The following RAB31 variants were observed in gnomAD, a reference collection of about 807,000 sequenced individuals.
RAB31 encodes RAB31, member RAS oncogene family.
Under a neutral mutation model 25.6 loss-of-function variants are expected in RAB31, and 21 were observed. The observed-to-expected ratio is 0.82, with a 90% confidence interval of 0.58 to 1.18. The LOEUF (loss-of-function observed/expected upper bound fraction) is 1.18, where lower values mean the gene tolerates loss of function less well. Ranked by LOEUF, RAB31 falls within the 50% of genes most tolerant of loss-of-function variation. RAB31 has a pLI of 0.00. For missense variants in RAB31, 196 were observed against 250.1 expected, an observed-to-expected ratio of 0.78 and a Z score of 1.46; for synonymous variants, 87 against 84.0, an observed-to-expected ratio of 1.04 and a Z score of -0.20.
intron 1 of RAB31, among the ~76,000 whole-genome samples, chr18:9,764,392 A>T (rs772299362): frequency 6.6e-6 from 1 of 152,104 alleles, no homozygotes; most frequent in Non-Finnish European, 1.5e-5. Flanking sequence ...TCCTGGAGAG[A>T]TGGTTTGGCT....
chr18:9,845,568 G>T lies in RAB31; in HGVS notation c.381-14G>T, dbSNP rs1306346415. ...AAACATTCATTTCCTGTCTACATTT[G>T]ACCTCTTTTCCAGGGAGGTTCCCCT... On this transcript the variant is annotated splice_polypyrimidine_tract_variant and intron_variant, in intron 5 of 6. Transcript: ENST00000578921. 2 of 1,524,984 alleles carry T rather than the reference G, an allele frequency of 1.3e-6. No homozygotes were observed. Among genetic ancestry groups the T allele is most frequent in the South Asian group, 2.5e-5 (2 of 78,558 alleles). 94.5% of individuals were successfully genotyped at this position (1,524,984 alleles called of 1,614,324 possible).
intron 3 of RAB31, among the ~76,000 whole-genome samples, chr18:9,800,154 G>A (rs147144285): frequency 2.0e-5 from 3 of 152,332 alleles, no homozygotes; most frequent in Non-Finnish European, 2.9e-5. Flanking sequence ...GGCTTTTAGC[G>A]AGAGGAGCTG....
At chr18:9,789,292 G>A (rs1021635150) in intron 2 of RAB31, among the ~76,000 whole-genome samples, 1 of 152,154 alleles carries the variant, frequency 6.6e-6, no homozygotes, top group African/African-American at 2.4e-5. Context: ...CTAGACGGGA[G>A]GAAAATATTC....
intron 3 of RAB31, among the ~76,000 whole-genome samples, chr18:9,806,981 T>C (rs1482485698): frequency 6.6e-6 from 1 of 152,240 alleles, no homozygotes; most frequent in Admixed American, 6.5e-5. Flanking sequence ...ACAGGATCTC[T>C]CTGGTGGCTG....
intron 6 of RAB31, among the ~76,000 whole-genome samples, chr18:9,852,743 C>G (rs138707808): frequency 6.9e-4 from 105 of 152,240 alleles, no homozygotes; most frequent in African/African-American, 2.5e-3. Context: ...TGTGTAAATA[C>G]TATGGATTGG....
chr18:9,835,076 C>T (rs1470671914), intron 5 of RAB31, among the ~76,000 whole-genome samples: 1 of 152,196 alleles, frequency 6.6e-6, no homozygotes, highest in African/African-American at 2.4e-5. Flanking sequence ...TTAATATCCT[C>T]TTCGTATCTT....
At chr18:9,820,596 T>C (rs996728981) in intron 5 of RAB31, among the ~76,000 whole-genome samples, 1 of 152,106 alleles carries the variant, frequency 6.6e-6, no homozygotes, top group African/African-American at 2.4e-5. Flanking sequence ...TCTTTGTTTT[T>C]CTACATCAAC....
intron 1 of RAB31, among the ~76,000 whole-genome samples, chr18:9,712,790 A>G (rs1025194570): frequency 6.6e-6 from 1 of 152,162 alleles, no homozygotes; most frequent in Non-Finnish European, 1.5e-5. Flanking sequence ...AAAGAGATTT[A>G]TATTTGGACT....
rs114522899 is a variant in RAB31, at chr18:9,709,121, C to T, written c.39+677C>T. Among the ~76,000 whole-genome samples the T allele has an allele frequency of 5.4e-3, 826 of 152,304 alleles. 11 individuals carry two copies. Among genetic ancestry groups the T allele is most frequent in the African/African-American group, 0.018 (762 of 41,574 alleles). ...AGAAGCTGCCTGGGAAAGTCCTCCCCACCATCACTCCCCTAAAGTGGGGTT... is the reference window on the plus strand; with the variant it reads ...AGAAGCTGCCTGGGAAAGTCCTCCCTACCATCACTCCCCTAAAGTGGGGTT... On this transcript the variant is annotated intron_variant, in intron 1 of 6. Transcript: ENST00000578921.
intron 3 of RAB31, among the ~76,000 whole-genome samples, chr18:9,808,577 G>A (rs2068554013): frequency 6.6e-6 from 1 of 152,228 alleles, no homozygotes; most frequent in African/African-American, 2.4e-5. Context: ...AGAATGTTGA[G>A]AATTTCAGGA....
intron 1 of RAB31, among the ~76,000 whole-genome samples, chr18:9,749,930 A>G (rs2068225936): frequency 6.6e-6 from 1 of 152,194 alleles, no homozygotes; most frequent in African/African-American, 2.4e-5. Context: ...CAGGGACAAG[A>G]AAATTGAGCT....
intron 1 of RAB31, among the ~76,000 whole-genome samples, chr18:9,767,448 C>A (rs1599030342): frequency 1.3e-5 from 2 of 152,324 alleles, no homozygotes; most frequent in South Asian, 2.1e-4. Flanking sequence ...GTCTGCGGAG[C>A]AGTGCTTAGT....
intron 1 of RAB31, among the ~76,000 whole-genome samples, chr18:9,747,852 C>T (rs2061135): frequency 0.45 from 68,480 of 152,040 alleles, 15,678 homozygotes; most frequent in Middle Eastern, 0.56. Context: ...GAATTTTATG[C>T]TATGTGAATT....
In RAB31 at chr18:9,772,601, G is replaced by A. The variant is rs569362002; in HGVS notation, c.40-2677G>A. 7.6e-4 allele frequency among the ~76,000 whole-genome samples: 116 copies of A among 152,332 alleles called. 1 individual carries two copies. The South Asian group carries it at 0.012, about 16-fold the overall frequency. On this transcript the variant is annotated intron_variant, in intron 1 of 6. Transcript: ENST00000578921. ...CCTGTTGGGCGAGTGAAGAATGAGTGAATGAACGATTGAATGGAATAGCCC... is the reference window on the plus strand; with the variant it reads ...CCTGTTGGGCGAGTGAAGAATGAGTAAATGAACGATTGAATGGAATAGCCC...
chr18:9,813,886 A>T (rs1294499445), intron 3 of RAB31, 134 bp from the exon 4 acceptor site: 2 of 489,810 alleles, frequency 4.1e-6, no homozygotes, highest in Non-Finnish European at 7.2e-6. Context: ...AATAATATGA[A>T]CCATGGAAAA....
At chr18:9,840,155 G>A (rs568001970) in intron 5 of RAB31, among the ~76,000 whole-genome samples, 97 of 152,334 alleles carry the variant, frequency 6.4e-4, no homozygotes, top group African/African-American at 2.3e-3. Context: ...GGAGCAGCCA[G>A]GGGACAGGGC....
chr18:9,736,984 A>C (rs977255632), intron 1 of RAB31, among the ~76,000 whole-genome samples: 4 of 152,184 alleles, frequency 2.6e-5, no homozygotes, highest in African/African-American at 4.8e-5. Context: ...TAGCTATTAA[A>C]ATTTATTATG....
intron 2 of RAB31, among the ~76,000 whole-genome samples, chr18:9,790,649 C>G (rs2068455336): frequency 6.6e-6 from 1 of 152,178 alleles, no homozygotes; most frequent in South Asian, 2.1e-4. Context: ...AATAATCTCC[C>G]TGTATTTTTC....
At chr18:9,729,346 T>G (rs2068110597) in intron 1 of RAB31, among the ~76,000 whole-genome samples, 1 of 151,932 alleles carries the variant, frequency 6.6e-6, no homozygotes, top group African/African-American at 2.4e-5. Flanking sequence ...TCTAACATGG[T>G]GAAACCCCAT....
Sources: gnomAD v4.1 joint callset for allele counts (sites outside exome capture counted in the v4.1 genomes callset) on GRCh38, gnomAD v4.1.1 for gene constraint, MANE v1.5 for transcripts, NCBI Gene and HGNC (gene_info 2026-07-23, HGNC 2026-07-21) for gene names.